The following SLC39A11 variants were observed in gnomAD, a reference collection of about 807,000 sequenced individuals.
SLC39A11 encodes zinc transporter ZIP11.
SLC39A11 carries 33 observed loss-of-function variants against 36.1 expected under a neutral mutation model. The ratio of observed to expected loss-of-function variants is 0.91; its 90% CI spans 0.69 to 1.22. The LOEUF is 1.22. Ranked by LOEUF, SLC39A11 falls within the 50% of genes most tolerant of loss-of-function variation. SLC39A11 has a pLI of 0.00. For synonymous variants in SLC39A11, 166 were observed against 170.3 expected, an observed-to-expected ratio of 0.97 and a Z score of 0.20; for missense variants, 432 against 430.3, an observed-to-expected ratio of 1.00 and a Z score of -0.03.
At position 72,980,855 on chromosome 17, in the gene SLC39A11, C is replaced by T. The variant is rs541941825; in HGVS notation, c.307-32980G>A. Among the ~76,000 whole-genome samples the T allele has an allele frequency of 2.6e-5, 4 of 152,114 alleles. No homozygotes were observed. The East Asian group carries it at 7.7e-4, about 29-fold the overall frequency. ...CCTGGCCAAGATGGTGAAACCCCGTCTCTACTAAAAATACAAAAATTAGCC... is the reference window on the plus strand; with the variant it reads ...CCTGGCCAAGATGGTGAAACCCCGTTTCTACTAAAAATACAAAAATTAGCC... On this transcript the variant is annotated intron_variant, in intron 4 of 9. Coordinates refer to ENST00000255559, the MANE Select transcript of SLC39A11 (RefSeq NM_139177.4).
intron 6 of SLC39A11, among the ~76,000 whole-genome samples, chr17:72,764,590 C>G (rs529536996): frequency 1.3e-5 from 2 of 152,082 alleles, no homozygotes; most frequent in Non-Finnish European, 2.9e-5. Context: ...AAAACCTACA[C>G]GGCATGGTCA....
chr17:72,776,724 G>A (rs936697333), intron 6 of SLC39A11, among the ~76,000 whole-genome samples: 1 of 151,052 alleles, frequency 6.6e-6, no homozygotes, highest in Admixed American at 6.6e-5. Context: ...ATATATACCC[G>A]TGGTCTGGTC....
At chr17:73,002,490 G>T (rs569513802) in intron 4 of SLC39A11, among the ~76,000 whole-genome samples, 5 of 152,250 alleles carry the variant, frequency 3.3e-5, no homozygotes, top group Non-Finnish European at 7.4e-5. Context: ...GTTCTATTTT[G>T]AGCTTTTAGA....
intron 5 of SLC39A11, among the ~76,000 whole-genome samples, chr17:72,858,061 C>T (rs1449395604): frequency 6.6e-6 from 1 of 152,128 alleles, no homozygotes; most frequent in Non-Finnish European, 1.5e-5. Flanking sequence ...GTTCCTATGT[C>T]CAGAATGGTA....
chr17:73,065,663 G>A (rs1044094131), intron 3 of SLC39A11, among the ~76,000 whole-genome samples: 1 of 152,260 alleles, frequency 6.6e-6, no homozygotes, highest in Admixed American at 6.5e-5. Flanking sequence ...ACAGCCCTTG[G>A]ACTGAGAGTT....
At chr17:72,871,014 T>A (rs994772578) in intron 5 of SLC39A11, among the ~76,000 whole-genome samples, 5 of 151,912 alleles carry the variant, frequency 3.3e-5, no homozygotes, top group African/African-American at 2.4e-5. Flanking sequence ...TAACAAGCCC[T>A]TTTCTGGTTT....
chr17:72,799,306 T>C (rs2077004940), intron 6 of SLC39A11, among the ~76,000 whole-genome samples: 1 of 152,206 alleles, frequency 6.6e-6, no homozygotes, highest in African/African-American at 2.4e-5. Context: ...GATAATTGTG[T>C]TAACTGTACA....
rs899929651 is a variant in SLC39A11 at position 72,824,588 on chromosome 17, A to T, written c.601+25046T>A. Among the ~76,000 whole-genome samples, 13 of 151,314 alleles carry T rather than the reference A, an allele frequency of 8.6e-5. 1 individual carries two copies. Among genetic ancestry groups the T allele is most frequent in the Non-Finnish European group, 3.0e-5 (2 of 67,550 alleles). ...TAAAGGAAGACAGGAAGATGAGGGA[A>T]AGTTGGGAACTTCCTAGAGACTTTT... On this transcript the variant is annotated intron_variant, in intron 6 of 9. Transcript: ENST00000255559.
At chr17:72,833,555 T>C (rs1377776303) in intron 6 of SLC39A11, among the ~76,000 whole-genome samples, 1 of 152,154 alleles carries the variant, frequency 6.6e-6, no homozygotes, top group Non-Finnish European at 1.5e-5. Context: ...AAGCTGACAA[T>C]AAAGACTCCA....
rs530752989 is a variant in SLC39A11 at position 72,897,659 on chromosome 17, G to A, written c.431-47855C>T. The stretch of plus-strand genomic sequence containing the variant: ...CTTGTGAGTTCAGCATCTCATAAGC[G>A]ACAGCATAGTGAGGGTCCTGGTTTT... On this transcript the variant is annotated intron_variant, in intron 5 of 9. Transcript: ENST00000255559. Among the ~76,000 whole-genome samples, 239 of 152,284 alleles carry A rather than the reference G, an allele frequency of 1.6e-3. 1 individual carries two copies. Among genetic ancestry groups the A allele is most frequent in the African/African-American group, 4.8e-3 (199 of 41,566 alleles).
chr17:72,887,857 G>C (rs1253180169), intron 5 of SLC39A11, among the ~76,000 whole-genome samples: 1 of 152,114 alleles, frequency 6.6e-6, no homozygotes, highest in Admixed American at 6.6e-5. Context: ...TGTTCTCTCA[G>C]TCCTAACTAA....
intron 6 of SLC39A11, among the ~76,000 whole-genome samples, chr17:72,751,156 G>A (rs551638377): frequency 6.6e-6 from 1 of 152,302 alleles, no homozygotes; most frequent in South Asian, 2.1e-4. Flanking sequence ...GCTGAGGAAT[G>A]AGAATCACTT....
intron 4 of SLC39A11, among the ~76,000 whole-genome samples, chr17:72,996,006 C>T (rs1286737816): frequency 6.6e-6 from 1 of 152,070 alleles, no homozygotes; most frequent in African/African-American, 2.4e-5. Context: ...TAATCCCCAC[C>T]CTTCTGCCTT....
At chr17:72,688,304 C>A (rs1026051471) in intron 7 of SLC39A11, among the ~76,000 whole-genome samples, 3 of 152,210 alleles carry the variant, frequency 2.0e-5, no homozygotes, top group African/African-American at 7.2e-5. Flanking sequence ...TGGTGCCAGG[C>A]TACGAGGGGG....
chr17:72,842,556 A>G (rs1382901552), intron 6 of SLC39A11, among the ~76,000 whole-genome samples: 2 of 152,352 alleles, frequency 1.3e-5, no homozygotes, highest in East Asian at 1.9e-4. Flanking sequence ...TTTTAATGCC[A>G]TTCAAAAACA....
chr17:72,951,410 T>C (rs1413315553), intron 4 of SLC39A11, among the ~76,000 whole-genome samples: 1 of 152,106 alleles, frequency 6.6e-6, no homozygotes, highest in African/African-American at 2.4e-5. Flanking sequence ...AAGAGAAGAA[T>C]TTCGCTAGTT....
At chr17:72,953,919 C>T (rs529167023) in intron 4 of SLC39A11, among the ~76,000 whole-genome samples, 2 of 152,332 alleles carry the variant, frequency 1.3e-5, no homozygotes, top group African/African-American at 2.4e-5. Context: ...CCGCACACAC[C>T]TTCTATCGCA....
chr17:72,663,091 G>C (rs1317569401), intron 7 of SLC39A11, among the ~76,000 whole-genome samples: 3 of 152,212 alleles, frequency 2.0e-5, no homozygotes, highest in Non-Finnish European at 4.4e-5. Context: ...AAAATAGTAA[G>C]TGTTGTACAG....
At chr17:73,003,132 C>A (rs2089913673) in intron 4 of SLC39A11, among the ~76,000 whole-genome samples, 1 of 152,200 alleles carries the variant, frequency 6.6e-6, no homozygotes, top group Non-Finnish European at 1.5e-5. Flanking sequence ...AAAGGTGGAA[C>A]CTGCTGCTGG....
Sources: gnomAD v4.1 joint callset for allele counts (sites outside exome capture counted in the v4.1 genomes callset) on GRCh38, gnomAD v4.1.1 for gene constraint, MANE v1.5 for transcripts, NCBI Gene and HGNC (gene_info 2026-07-23, HGNC 2026-07-21) for gene names.